GPAT2: variants seen among roughly 807,000 people sequenced by gnomAD.
The protein encoded by GPAT2 is 1-acylglycerol-3-phosphate O-acyltransferase GPAT2.
In GPAT2, 51 loss-of-function variants were observed where a neutral mutation model predicts 71.0. The observed-to-expected ratio is 0.72, with a 90% CI of 0.57 to 0.91. GPAT2 has a LOEUF of 0.91. Among genes scored for constraint, GPAT2 ranks in the 40% least tolerant of loss-of-function variants. The pLI is 0.00. For synonymous variants in GPAT2, 222 were observed against 290.3 expected (o/e 0.76, Z 2.39); for missense variants, 511 against 666.0 (o/e 0.77, Z 2.56).
In GPAT2 at chr2:96,025,524, G is replaced by T. The variant is rs772917668; in HGVS notation, c.1318C>A (p.Gln440Lys). The change falls in exon 13 of 22, where the codon CAG becomes AAG. Residue 440 changes from glutamine (Q) to lysine (K), a missense_variant. Gln to Lys is a moderately conservative substitution (Grantham distance 53). Coordinates refer to ENST00000434632, the MANE Select transcript of GPAT2 (RefSeq NM_001321527.2). ...CAGCTCAGTCTCCTGACCAGGAGCTGGTCCTCTTCCTTGAGGGCCAGGAGA... is the reference window on the plus strand; with the variant it reads ...CAGCTCAGTCTCCTGACCAGGAGCTTGTCCTCTTCCTTGAGGGCCAGGAGA... ...GPLLALKEED[Q>K]LLVRRLSCHV... 7 of 1,559,424 alleles carry T rather than the reference G, an allele frequency of 4.5e-6. No individual in the cohort carries two copies. The highest frequency in any genetic ancestry group is 3.6e-5 in the South Asian group (3 of 82,972).
rs778680560 is a variant in GPAT2, at chr2:96,024,329, C to T, written c.1696G>A (p.Val566Met). The T allele has an allele frequency of 4.4e-6, 7 of 1,586,582 alleles. No individual in the cohort carries two copies. Among genetic ancestry groups the T allele is most frequent in the Non-Finnish European group, 5.2e-6 (6 of 1,164,118 alleles). Residue 566 changes from valine to methionine, a missense_variant, in exon 16 of 22, where the codon GTG becomes ATG. Val to Met is a conservative substitution (Grantham distance 21). Transcript: ENST00000434632. ...FLSEAVGACA[V>M]RGLLAGRVPP... ...ACTCTGCCTGCCAGCAGCCCCCGCA[C>T]TGCACAGGCTGGGGGCGGAGGGTCC...
chr2:96,025,915 C>G lies in GPAT2; in HGVS notation c.1238+15G>C, dbSNP rs1297262660. ...TTGCCTTGCCCCCTGAGACCCCACG[C>G]TCCTGTGCCCCTACCATTGGCCCAG... On this transcript the variant is annotated intron_variant, in intron 12 of 21. Coordinates refer to ENST00000434632, the MANE Select transcript of GPAT2 (RefSeq NM_001321527.2). 6.2e-7 allele frequency: 1 copy of G among 1,611,356 alleles called. No homozygotes were observed. Among genetic ancestry groups the G allele is most frequent in the Admixed American group, 1.7e-5 (1 of 60,016 alleles).
At chr2:96,024,730 AC>A (rs142519133) in intron 14 of GPAT2, 42 bp downstream of exon 14, 64 of 1,608,988 alleles carry the variant, frequency 4.0e-5, no homozygotes, top group Admixed American at 5.0e-5. Flanking sequence ...ACACATCGCC[AC>A]CCCCCCCACC....
rs1573855876 is a variant in GPAT2, at chr2:96,024,651, G to C, written c.1463C>G (p.Ser488Cys). The C allele has an allele frequency of 6.2e-7, 1 of 1,613,622 alleles. No individual in the cohort carries two copies. The highest frequency in any genetic ancestry group is 8.5e-7 in the Non-Finnish European group (1 of 1,179,650). ...CAACAGTATCTCCTCCGTCAGCCAG[G>C]AGAACTCCCCCAGGAGCTGCGACAG... The part of the protein sequence containing the change: ...VFLSQLLGEF[S>C]WLTEEILLRG... The change falls in exon 15 of 22, where the codon TCC (serine) becomes TGC (cysteine). Residue 488 changes from serine (S) to cysteine (C), a missense_variant. Around this residue, in one of 7 missense-constraint regions of GPAT2, gnomAD observed 295 missense variants for 305.5 expected, o/e 0.97. Coordinates refer to ENST00000434632, the MANE Select transcript of GPAT2 (RefSeq NM_001321527.2).
chr2:96,025,460 A>T (rs752077425), intron 13 of GPAT2, 25 bp downstream of exon 13: 3 of 1,567,122 alleles, frequency 1.9e-6, no homozygotes, highest in African/African-American at 2.8e-5. Flanking sequence ...CCACCCGCAA[A>T]GGCCCAGATC....
rs748612721 is a variant in GPAT2 at position 96,024,788 on chromosome 2, G to A, written c.1413C>T (p.Leu471=). 1.2e-6 allele frequency: 2 copies of A among 1,613,926 alleles called. No homozygotes were observed. Among genetic ancestry groups the A allele is most frequent in the Non-Finnish European group, 1.7e-6 (2 of 1,179,984 alleles). ...MSTAIMATLL[L]FKHQKGVFLS... The stretch of plus-strand genomic sequence containing the variant: ...CACCCCCTACCTTCTGATGCTTGAA[G>A]AGCAGCAGCGTTGCCATAATGGCCG... The change falls in exon 14 of 22, where the codon CTC becomes CTT. Residue 471 remains leucine (L), a synonymous_variant. Transcript: ENST00000434632.
chr2:96,022,844 C>T, intron 20 of GPAT2, 114 bp downstream of exon 20: 1 of 1,612,190 alleles, frequency 6.2e-7, no homozygotes, highest in Admixed American at 1.7e-5. Context: ...GGACAGAAGA[C>T]TGTACTCTGC....
Position 96,021,957 on chromosome 2 carries a change from T to A in GPAT2, c.*202A>T. 1 of 1,320,372 alleles carries A rather than the reference T, an allele frequency of 7.6e-7. No homozygotes were observed. Among genetic ancestry groups the A allele is most frequent in the Non-Finnish European group, 1.0e-6 (1 of 982,718 alleles). 81.8% of individuals were successfully genotyped at this position (1,320,372 alleles called of 1,614,324 possible). On this transcript the variant is annotated 3_prime_UTR_variant, in exon 22 of 22. Coordinates refer to ENST00000434632, the MANE Select transcript of GPAT2 (RefSeq NM_001321527.2). ...ATACACCAAAAAGATGCTGCTGGGC[T>A]GGGGAAAAGACAACTCGTCTCGTCC...
chr2:96,023,912 G>T lies in GPAT2; in HGVS notation c.1914+11C>A, dbSNP rs1680036435. The T allele has an allele frequency of 1.3e-6, 2 of 1,580,824 alleles. No individual in the cohort carries two copies. The highest frequency in any genetic ancestry group is 2.7e-5 in the African/African-American group (2 of 74,608). On this transcript the variant is annotated intron_variant, in intron 17 of 21. Transcript: ENST00000434632. The stretch of plus-strand genomic sequence containing the variant: ...CCAGGCAAGGATCTTGTCTCCAACT[G>T]CCCTGCCTACCTCCTCAGCAACCAG...
At position 96,024,143 on chromosome 2, in the gene GPAT2, A is replaced by G. The variant is rs761875300; in HGVS notation, c.1836+46T>C. Reference sequence around the variant, plus strand: ...GCAGGGATGGGCCATTCCTACCACCAAGAGGGGAAGGCCTAGGACCAAGTG... The same window carrying G: ...GCAGGGATGGGCCATTCCTACCACCGAGAGGGGAAGGCCTAGGACCAAGTG... On this transcript the variant is annotated intron_variant, in intron 16 of 21. Coordinates refer to ENST00000434632, the MANE Select transcript of GPAT2 (RefSeq NM_001321527.2). The G allele has an allele frequency of 4.6e-5, 70 of 1,509,862 alleles. No homozygotes were observed. In the African/African-American group the frequency reaches 9.0e-4, roughly 19 times the overall value. 93.5% of individuals were successfully genotyped at this position (1,509,862 alleles called of 1,614,324 possible).
rs1679841745 is a variant in GPAT2, at chr2:96,022,852, T to G, written c.2233+106A>C. Reference sequence around the variant, plus strand: ...TCTGACTGGACAGAAGACTGTACTCTGCAGCCTGCCTTCCTAGAGTTGGGT... The same window carrying G: ...TCTGACTGGACAGAAGACTGTACTCGGCAGCCTGCCTTCCTAGAGTTGGGT... On this transcript the variant is annotated intron_variant, in intron 20 of 21. Transcript: ENST00000434632. 3 of 1,612,108 alleles carry G rather than the reference T, an allele frequency of 1.9e-6. No homozygotes were observed. The Admixed American group carries it at 5.0e-5, about 27-fold the overall frequency.
chr2:96,026,611 C>T, intron 10 of GPAT2, 86 bp downstream of exon 10: 2 of 152,312 alleles, frequency 1.3e-5, no homozygotes, highest in Non-Finnish European at 2.2e-5. Context: ...AAGTGGGGCT[C>T]AGCCACAGGA....
intron 17 of GPAT2, 154 bp from the exon 18 acceptor site, chr2:96,023,594 G>A: frequency 1.3e-6 from 1 of 781,026 alleles, no homozygotes; most frequent in Non-Finnish European, 2.0e-6. Context: ...GGGCCAACTT[G>A]CAGAGTGAGA....
intron 12 of GPAT2, 124 bp from the exon 13 acceptor site, chr2:96,025,727 C>A: frequency 1.4e-6 from 2 of 1,474,692 alleles, no homozygotes; most frequent in Admixed American, 2.1e-5. Context: ...AGGATGGCTT[C>A]TATAACCCCC....
chr2:96,026,379 T>A, intron 10 of GPAT2, 74 bp from the exon 11 acceptor site: 1 of 1,359,728 alleles, frequency 7.4e-7, no homozygotes, highest in Non-Finnish European at 9.6e-7. Flanking sequence ...TGCCCACCCA[T>A]CCTGGTCTCC....
At chr2:96,025,343 A>G in intron 13 of GPAT2, 142 bp downstream of exon 13, 2 of 1,150,662 alleles carry the variant, frequency 1.7e-6, no homozygotes, top group South Asian at 1.8e-5. Flanking sequence ...GAAGGGTTCC[A>G]TTCTTCTTCA....
intron 15 of GPAT2, 22 bp downstream of exon 15, chr2:96,024,405 C>A (rs201749036): frequency 6.5e-5 from 105 of 1,611,754 alleles, no homozygotes; most frequent in Non-Finnish European, 8.5e-5. Flanking sequence ...ATCCCACCTA[C>A]CCCGTGCACC....
In GPAT2 at chr2:96,022,951, G is replaced by C. The variant is rs1240310338; in HGVS notation, c.2233+7C>G. On this transcript the variant is annotated splice_region_variant and intron_variant, in intron 20 of 21. Coordinates refer to ENST00000434632, the MANE Select transcript of GPAT2 (RefSeq NM_001321527.2). ...GCAGGAGCCTGGGCTGACTGGTTGG[G>C]ACTCACCGAAGATCCCTTCTTCCTG... The C allele has an allele frequency of 6.2e-7, 1 of 1,613,660 alleles. No individual in the cohort carries two copies. The highest frequency in any genetic ancestry group is 8.5e-7 in the Non-Finnish European group (1 of 1,179,886).
chr2:96,025,357 G>A (rs1680280019), intron 13 of GPAT2, 128 bp downstream of exon 13: 7 of 1,244,602 alleles, frequency 5.6e-6, no homozygotes, highest in African/African-American at 1.5e-5. Flanking sequence ...TTCTTCAGAT[G>A]TCCCCAAGGT....
Sources: allele counts gnomAD v4.1 joint callset, GRCh38; gene constraint gnomAD v4.1.1; regional missense constraint gnomAD v4.1.1; transcripts MANE v1.5; gene names NCBI Gene and HGNC (gene_info 2026-07-23, HGNC 2026-07-21).